The following COBL variants were observed in gnomAD, a reference collection of about 807,000 sequenced individuals.
COBL encodes the protein protein cordon-bleu.
In COBL, 51 loss-of-function variants were observed where a neutral mutation model predicts 98.8. The ratio of observed to expected loss-of-function variants is 0.52; its 90% CI spans 0.41 to 0.65. COBL has a LOEUF of 0.65. Among genes scored for constraint, COBL ranks in the 30% least tolerant of loss-of-function variants. The pLI, the probability that COBL is intolerant of heterozygous loss-of-function variation, is 0.00. For missense variants in COBL, 1,617 were observed against 1,617.5 expected (o/e 1.00, Z 0.01); for synonymous variants, 634 against 651.7 (o/e 0.97, Z 0.41).
chr7:51,145,387 C>CTT (rs55913181), intron 5 of COBL, among the ~76,000 whole-genome samples: 2,788 of 140,874 alleles, frequency 0.02, 86 homozygotes, highest in African/African-American at 0.072. Context: ...TTTTTTTTTT[C>CTT]TTTTTTTTCC....
intron 6 of COBL, among the ~76,000 whole-genome samples, chr7:51,121,222 G>A (rs908439864): frequency 1.3e-5 from 2 of 152,180 alleles, no homozygotes; most frequent in African/African-American, 4.8e-5. Flanking sequence ...ATCCTAATGG[G>A]TATGAGATGG....
chr7:51,138,836 A>T (rs1799481431), intron 5 of COBL, among the ~76,000 whole-genome samples: 1 of 152,218 alleles, frequency 6.6e-6, no homozygotes, highest in Non-Finnish European at 1.5e-5. Context: ...ATGGCAGTGC[A>T]TTCCACAACC....
intron 2 of COBL, among the ~76,000 whole-genome samples, chr7:51,202,089 C>T (rs905975607): frequency 6.6e-6 from 1 of 152,110 alleles, no homozygotes; most frequent in Admixed American, 6.6e-5. Context: ...TTTCAGTCAC[C>T]CTTACTTTAC....
chr7:51,223,064 T>C (rs1793810533), intron 1 of COBL, among the ~76,000 whole-genome samples: 1 of 152,220 alleles, frequency 6.6e-6, no homozygotes, highest in Non-Finnish European at 1.5e-5. Flanking sequence ...TACTCCACCC[T>C]TCCCTCCACA....
chr7:51,154,747 A>G (rs567332511), intron 5 of COBL, among the ~76,000 whole-genome samples: 7 of 152,346 alleles, frequency 4.6e-5, no homozygotes, highest in East Asian at 3.9e-4. Context: ...ACTCAAGAAA[A>G]TATCATTCAA....
At chr7:51,182,385 G>A (rs1014105200) in intron 5 of COBL, among the ~76,000 whole-genome samples, 7 of 151,688 alleles carry the variant, frequency 4.6e-5, no homozygotes, top group East Asian at 1.9e-4. Context: ...GGATTCAAGC[G>A]ATTCTCCTGC....
intron 5 of COBL, among the ~76,000 whole-genome samples, chr7:51,170,403 G>A (rs1328501473): frequency 4.0e-5 from 6 of 150,934 alleles, no homozygotes; most frequent in Non-Finnish European, 8.9e-5. Context: ...AAACTGGTAA[G>A]GCTTACCCAT....
intron 1 of COBL, among the ~76,000 whole-genome samples, chr7:51,289,806 T>C (rs1388020781): frequency 6.6e-6 from 1 of 152,222 alleles, no homozygotes; most frequent in Non-Finnish European, 1.5e-5. Flanking sequence ...CTTTCAATAA[T>C]GAGAACTATG....
At chr7:51,039,371 C>A (rs531112223) in intron 8 of COBL, among the ~76,000 whole-genome samples, 1 of 152,210 alleles carries the variant, frequency 6.6e-6, no homozygotes. Context: ...GGGCTGTCAG[C>A]CCCCAGGCAT....
intron 2 of COBL, among the ~76,000 whole-genome samples, chr7:51,205,157 G>C (rs1265550734): frequency 6.6e-6 from 1 of 152,034 alleles, no homozygotes; most frequent in African/African-American, 2.4e-5. Flanking sequence ...AAACAGAGAA[G>C]AAACAATGCA....
intron 7 of COBL, among the ~76,000 whole-genome samples, chr7:51,050,736 G>A (rs1304556531): frequency 6.6e-6 from 1 of 152,172 alleles, no homozygotes; most frequent in Non-Finnish European, 1.5e-5. Context: ...CTAAGACAAT[G>A]TTTCAGCTCC....
At chr7:51,261,598 G>A (rs549994323) in intron 1 of COBL, among the ~76,000 whole-genome samples, 8 of 152,340 alleles carry the variant, frequency 5.3e-5, no homozygotes, top group African/African-American at 1.9e-4. Context: ...AGGAATCTGA[G>A]GTGATGCCTG....
intron 2 of COBL, among the ~76,000 whole-genome samples, chr7:51,197,578 T>C (rs982050035): frequency 2.0e-5 from 3 of 152,188 alleles, no homozygotes; most frequent in Non-Finnish European, 4.4e-5. Flanking sequence ...CTTTGTTAAT[T>C]TTTTGTCTTT....
intron 1 of COBL, among the ~76,000 whole-genome samples, chr7:51,308,988 A>C (rs1802753065): frequency 6.6e-6 from 1 of 152,166 alleles, no homozygotes; most frequent in Non-Finnish European, 1.5e-5. Flanking sequence ...TGTCACAGCA[A>C]ACTAAGGACA....
chr7:51,110,304 T>A (rs1796708976), intron 6 of COBL, among the ~76,000 whole-genome samples: 1 of 152,144 alleles, frequency 6.6e-6, no homozygotes, highest in African/African-American at 2.4e-5. Flanking sequence ...CAATCTACTC[T>A]CTACCTTCAT....
At chr7:51,110,939 G>A (rs528419766) in intron 6 of COBL, among the ~76,000 whole-genome samples, 7 of 152,242 alleles carry the variant, frequency 4.6e-5, no homozygotes, top group African/African-American at 9.6e-5. Flanking sequence ...CTCATTGATC[G>A]ATGGGCATTT....
chr7:51,148,069 T>A (rs1785206612), intron 5 of COBL, among the ~76,000 whole-genome samples: 1 of 152,224 alleles, frequency 6.6e-6, no homozygotes, highest in African/African-American at 2.4e-5. Context: ...GCCACATTGA[T>A]TTATTACGGC....
At chr7:51,088,341 T>TC (rs1369698594) in intron 6 of COBL, among the ~76,000 whole-genome samples, 3 of 105,140 alleles carry the variant, frequency 2.9e-5, no homozygotes, top group African/African-American at 1.2e-4. Flanking sequence ...TTTTCTGATT[T>TC]CCCCCCCTCT....
intron 6 of COBL, among the ~76,000 whole-genome samples, chr7:51,117,330 A>C (rs941089612): frequency 1.3e-5 from 2 of 152,042 alleles, no homozygotes; most frequent in African/African-American, 4.8e-5. Context: ...ATAGAGTCCC[A>C]GAATAAAAAG....
Sources: gnomAD v4.1 joint callset for allele counts (sites outside exome capture counted in the v4.1 genomes callset) on GRCh38, gnomAD v4.1.1 for gene constraint, MANE v1.5 for transcripts, NCBI Gene and HGNC (gene_info 2026-07-23, HGNC 2026-07-21) for gene names.